PDE1C: variants seen among roughly 807,000 people sequenced by gnomAD.
PDE1C encodes phosphodiesterase 1C, also known as dual specificity calcium/calmodulin-dependent 3',5'-cyclic nucleotide phosphodiesterase 1C.
PDE1C carries 62 observed loss-of-function variants against 93.1 expected under a neutral mutation model. The ratio of observed to expected loss-of-function variants is 0.67; its 90% CI spans 0.54 to 0.82. The LOEUF (loss-of-function observed/expected upper bound fraction) is 0.82. Among genes scored for constraint, PDE1C ranks in the 40% least tolerant of loss-of-function variants. The pLI, the probability that PDE1C is intolerant of heterozygous loss-of-function variation, is 0.00. For missense variants in PDE1C, 742 were observed against 884.6 expected (o/e 0.84, Z 2.04); for synonymous variants, 325 against 310.1 (o/e 1.05, Z -0.50).
chr7:32,259,146 G>T (rs541121208), intron 1 of PDE1C, among the ~76,000 whole-genome samples: 1 of 152,192 alleles, frequency 6.6e-6, no homozygotes, highest in South Asian at 2.1e-4. Flanking sequence ...TAACTCCCTA[G>T]ACCTACAAGA....
the PDE1C span, among the ~76,000 whole-genome samples, chr7:31,644,143 A>C: frequency 1.6e-4 from 25 of 152,236 alleles, no homozygotes; most frequent in Admixed American, 2.6e-4. Context: ...CGATACTTCC[A>C]ATCAATCACC....
At chr7:32,240,345 C>G (rs1483505666) in intron 1 of PDE1C, among the ~76,000 whole-genome samples, 2 of 152,304 alleles carry the variant, frequency 1.3e-5, no homozygotes, top group East Asian at 3.9e-4. Flanking sequence ...ATGCTAGGCA[C>G]TCTTCCATGT....
At chr7:32,244,866 A>G (rs1406497776) in intron 1 of PDE1C, among the ~76,000 whole-genome samples, 1 of 152,214 alleles carries the variant, frequency 6.6e-6, no homozygotes, top group African/African-American at 2.4e-5. Context: ...GAGCCACCAG[A>G]GCCTGCCCAG....
chr7:32,362,101 G>A (rs1203442798), intron 1 of PDE1C, among the ~76,000 whole-genome samples: 1 of 152,162 alleles, frequency 6.6e-6, no homozygotes, highest in Non-Finnish European at 1.5e-5. Context: ...CTCCCCCAGG[G>A]CGGGGAGAAC....
At chr7:31,902,480 A>G (rs1205144065) in intron 2 of PDE1C, among the ~76,000 whole-genome samples, 2 of 151,860 alleles carry the variant, frequency 1.3e-5, no homozygotes, top group African/African-American at 2.4e-5. Flanking sequence ...TCTATAAATT[A>G]GTATGATCTT....
At chr7:31,862,557 C>T (rs556386735) in intron 7 of PDE1C, among the ~76,000 whole-genome samples, 1 of 151,664 alleles carries the variant, frequency 6.6e-6, no homozygotes, top group African/African-American at 2.4e-5. Context: ...TGAGGGCCTG[C>T]TTCTGGATTT....
intron 1 of PDE1C, among the ~76,000 whole-genome samples, chr7:32,273,509 G>C (rs1483657603): frequency 6.6e-6 from 1 of 152,172 alleles, no homozygotes; most frequent in African/African-American, 2.4e-5. Flanking sequence ...ACAGTAAGGG[G>C]AACTGGAACT....
At chr7:31,947,896 T>A (rs557108179) in intron 2 of PDE1C, among the ~76,000 whole-genome samples, 109 of 152,298 alleles carry the variant, frequency 7.2e-4, no homozygotes, top group African/African-American at 2.5e-3. Context: ...CCTAGAAAAG[T>A]CCACTCTAGC....
intron 5 of PDE1C, among the ~76,000 whole-genome samples, chr7:31,875,931 C>T (rs573584896): frequency 1.1e-4 from 17 of 149,710 alleles, no homozygotes; most frequent in Non-Finnish European, 2.1e-4. Context: ...CATGTTCTTA[C>T]GTTAACCACA....
intron 17 of PDE1C, among the ~76,000 whole-genome samples, chr7:31,772,102 G>T (rs1795529034): frequency 6.6e-6 from 1 of 150,714 alleles, no homozygotes; most frequent in Non-Finnish European, 1.5e-5. Context: ...TCTCTCGCCT[G>T]CCTAGAGTTT....
chr7:32,033,009 C>G (rs1320626552), intron 2 of PDE1C, among the ~76,000 whole-genome samples: 1 of 152,082 alleles, frequency 6.6e-6, no homozygotes, highest in Non-Finnish European at 1.5e-5. Context: ...GCTCTCTTAC[C>G]AACACAATAA....
At chr7:31,808,995 T>A in intron 16 of PDE1C, 36 bp downstream of exon 16, 1 of 1,263,662 alleles carries the variant, frequency 7.9e-7, no homozygotes, top group Non-Finnish European at 1.2e-6. Context: ...AAACTGCACA[T>A]TTTATGGAAA....
intron 1 of PDE1C, among the ~76,000 whole-genome samples, chr7:32,063,672 T>G (rs563267556): frequency 7.1e-4 from 108 of 152,362 alleles, no homozygotes; most frequent in Non-Finnish European, 1.2e-3. Context: ...ATTCACATTT[T>G]TCCCCTTTAA....
intron 3 of PDE1C, among the ~76,000 whole-genome samples, chr7:32,126,020 G>A (rs1409519735): frequency 6.6e-6 from 1 of 152,044 alleles, no homozygotes; most frequent in Non-Finnish European, 1.5e-5. Flanking sequence ...GTCCCAATAT[G>A]ATTGAGAAAT....
intron 1 of PDE1C, among the ~76,000 whole-genome samples, chr7:32,416,377 C>T (rs1000741049): frequency 1.3e-5 from 2 of 152,168 alleles, no homozygotes; most frequent in Non-Finnish European, 2.9e-5. Flanking sequence ...AGCCATCCCC[C>T]CTCCCTGTTC....
the PDE1C span, among the ~76,000 whole-genome samples, chr7:31,634,273 AATTAAT>A: frequency 1.3e-5 from 2 of 152,184 alleles, no homozygotes; most frequent in Non-Finnish European, 2.9e-5. Context: ...GGTAATTTCT[AATTAAT>A]ATTAGTATTA....
rs555438972 is a variant in PDE1C at position 31,753,215 on chromosome 7, C to A, written c.*169G>T. ...AATTGAAAAGTCTATACAAGAACAA[C>A]AAAGAGGAAAATCACATACAACTTT... On this transcript the variant is annotated 3_prime_UTR_variant, in exon 18 of 18. Coordinates refer to ENST00000396191, the MANE Select transcript of PDE1C (RefSeq NM_001191057.4). 9 of 824,252 alleles carry A rather than the reference C, an allele frequency of 1.1e-5. No homozygotes were observed. The Admixed American group carries it at 2.5e-4, about 23-fold the overall frequency. The allele number at this position is 824,252 out of a possible 1,614,324, so 51.1% of individuals were successfully genotyped here. A position where few individuals can be genotyped will look rare whatever the true frequency, so the allele number is the denominator to read the frequency against.
chr7:32,032,257 G>A (rs944308684), intron 2 of PDE1C, among the ~76,000 whole-genome samples: 1 of 152,170 alleles, frequency 6.6e-6, no homozygotes, highest in African/African-American at 2.4e-5. Context: ...TTTTGGAGGA[G>A]GAGGTGGAGA....
At chr7:31,978,893 C>A (rs1390186598) in intron 2 of PDE1C, among the ~76,000 whole-genome samples, 1 of 152,162 alleles carries the variant, frequency 6.6e-6, no homozygotes, top group Non-Finnish European at 1.5e-5. Context: ...AGTTTCATCA[C>A]ATTCGGAAAG....
Sources: gnomAD v4.1 joint callset for allele counts (sites outside exome capture counted in the v4.1 genomes callset) on GRCh38, gnomAD v4.1.1 for gene constraint, MANE v1.5 for transcripts, NCBI Gene and HGNC (gene_info 2026-07-23, HGNC 2026-07-21) for gene names.